TEX2: variants seen among roughly 807,000 people sequenced by gnomAD.
TEX2 encodes testis expressed 2.
Under a neutral mutation model 106.9 loss-of-function variants are expected in TEX2, and 53 were observed. The ratio of observed to expected loss-of-function variants is 0.50; its 90% CI spans 0.40 to 0.62. The LOEUF (loss-of-function observed/expected upper bound fraction) is 0.62, where lower values mean the gene tolerates loss of function less well. Among genes scored for constraint, TEX2 ranks in the 20% least tolerant of loss-of-function variants. The probability of loss-of-function intolerance (pLI) is 0.00; values close to 1 mark genes in which losing one functional copy is unlikely to be tolerated. For missense variants in TEX2, 1,207 were observed against 1,379.0 expected, an observed-to-expected ratio of 0.88 and a Z score of 1.98; for synonymous variants, 523 against 534.8, an observed-to-expected ratio of 0.98 and a Z score of 0.30.
At chr17:64,197,793 GTC>G (rs1460330465) in intron 2 of TEX2, among the ~76,000 whole-genome samples, 1 of 152,022 alleles carries the variant, frequency 6.6e-6, no homozygotes, top group Non-Finnish European at 1.5e-5. Context: ...TGAACTCTTG[GTC>G]TCAAGCAGTT....
chr17:64,168,866 A>G (rs1354071171), intron 7 of TEX2, among the ~76,000 whole-genome samples: 2 of 146,540 alleles, frequency 1.4e-5, no homozygotes, highest in African/African-American at 5.0e-5. Context: ...TGGAGTGAAG[A>G]TGCTAGCTAG....
chr17:64,161,170 T>A (rs919912196), intron 7 of TEX2, among the ~76,000 whole-genome samples: 1 of 152,070 alleles, frequency 6.6e-6, no homozygotes, highest in Admixed American at 6.5e-5. Flanking sequence ...ATTCACAGGA[T>A]CCTGGGGAAT....
rs2032439235 is a variant in TEX2, at chr17:64,195,475, A to AG, written c.1645-381dup. Among the ~76,000 whole-genome samples, 3 of 152,148 alleles carry AG rather than the reference A, an allele frequency of 2.0e-5. No individual in the cohort carries two copies. On this transcript the variant is annotated intron_variant, in intron 2 of 11. Coordinates refer to ENST00000584379, the MANE Select transcript of TEX2 (RefSeq NM_001288732.2). The surrounding 1 kb of genome is among the most constrained non-coding windows in gnomAD (Gnocchi z 4.1). ...CCCACCCAGTCTGGCCTTCTTAATT[A>AG]GCTAAACACATGCTCTTCCCAGCCC...
chr17:64,237,304 T>A (rs1555635247), intron 1 of TEX2, among the ~76,000 whole-genome samples: 1 of 151,778 alleles, frequency 6.6e-6, no homozygotes, highest in Admixed American at 6.6e-5. Flanking sequence ...ACACACAGTA[T>A]GAGACAGGAG....
chr17:64,257,936 G>T (rs1427533196), intron 1 of TEX2, among the ~76,000 whole-genome samples: 2 of 150,780 alleles, frequency 1.3e-5, no homozygotes, highest in African/African-American at 2.4e-5. Flanking sequence ...TTTTGAGATG[G>T]AGTCTCGCTC....
At position 64,213,167 on chromosome 17, in the gene TEX2, ACTC is replaced by A. The variant is rs1555631903; in HGVS notation, c.1048_1050del (p.Glu350del). 5.6e-6 allele frequency: 9 copies of A among 1,613,410 alleles called. No homozygotes were observed. In the South Asian group the frequency reaches 6.6e-5, roughly 12 times the overall value. Reference sequence around the variant, plus strand: ...CCGTAGCCATCCCCCTCAGAATCACACTCCTCCTCCTTGATGCTGTAGTTGTTA... The same window carrying A: ...CCGTAGCCATCCCCCTCAGAATCACACTCCTCCTTGATGCTGTAGTTGTTA... On this transcript the variant is annotated inframe_deletion, in exon 2 of 12. Coordinates refer to ENST00000584379, the MANE Select transcript of TEX2 (RefSeq NM_001288732.2). This position sits in a 1 kb window ranked among gnomAD's most constrained non-coding sequence, Gnocchi z 4.4.
chr17:64,219,762 G>C (rs1310205821), intron 1 of TEX2, among the ~76,000 whole-genome samples: 1 of 152,164 alleles, frequency 6.6e-6, no homozygotes, highest in African/African-American at 2.4e-5. Flanking sequence ...ATTGACTTAA[G>C]TCACTAAAGA....
chr17:64,187,343 C>T (rs553052373), intron 5 of TEX2, among the ~76,000 whole-genome samples: 8 of 152,250 alleles, frequency 5.3e-5, no homozygotes, highest in African/African-American at 1.9e-4. Context: ...TCTGCAACAA[C>T]CCCTAGTGAT....
chr17:64,181,182 A>G (rs1168898026), intron 5 of TEX2, among the ~76,000 whole-genome samples: 1 of 152,202 alleles, frequency 6.6e-6, no homozygotes, highest in Non-Finnish European at 1.5e-5. Context: ...CAGAACTTTT[A>G]AAAAGCAAAA....
At chr17:64,236,959 A>C (rs2033783393) in intron 1 of TEX2, among the ~76,000 whole-genome samples, 1 of 152,182 alleles carries the variant, frequency 6.6e-6, no homozygotes, top group African/African-American at 2.4e-5. Flanking sequence ...CCTGTCTTAT[A>C]ATTTGCAAAG....
At chr17:64,169,552 C>G (rs530953764) in intron 7 of TEX2, among the ~76,000 whole-genome samples, 5 of 152,256 alleles carry the variant, frequency 3.3e-5, no homozygotes, top group African/African-American at 1.2e-4. Flanking sequence ...CAAATACTAC[C>G]CTGGTCTTTC....
chr17:64,250,095 G>A lies in TEX2; in HGVS notation c.-26+13073C>T, dbSNP rs886201277. On this transcript the variant is annotated intron_variant, in intron 1 of 11. Coordinates refer to ENST00000584379, the MANE Select transcript of TEX2 (RefSeq NM_001288732.2). ...GGCTCAATTCCTGAGGGCAGCTCCTGCCAGGCTTCCTACAGCAGTTTCTGC... is the reference window on the plus strand; with the variant it reads ...GGCTCAATTCCTGAGGGCAGCTCCTACCAGGCTTCCTACAGCAGTTTCTGC... Among the ~76,000 whole-genome samples, 6 of 152,278 alleles carry A rather than the reference G, an allele frequency of 3.9e-5. No homozygotes were observed. In the South Asian group the frequency reaches 6.2e-4, roughly 16 times the overall value.
intron 1 of TEX2, among the ~76,000 whole-genome samples, chr17:64,225,997 C>T (rs7406718): frequency 0.54 from 82,672 of 152,018 alleles, 24,220 homozygotes; most frequent in East Asian, 0.83. Flanking sequence ...GGATTACAGG[C>T]GGAAGCCACC....
At chr17:64,191,412 G>T (rs2032291641) in intron 4 of TEX2, among the ~76,000 whole-genome samples, 1 of 152,130 alleles carries the variant, frequency 6.6e-6, no homozygotes, top group African/African-American at 2.4e-5. Flanking sequence ...ACCCCCGTGG[G>T]TTACCTGATT....
chr17:64,172,309 C>T (rs949514539), intron 6 of TEX2, among the ~76,000 whole-genome samples: 13 of 148,588 alleles, frequency 8.7e-5, no homozygotes, highest in African/African-American at 2.7e-4. Context: ...GCCAAGATCG[C>T]ACCACTGCAC....
rs151110120 is a variant in TEX2, at chr17:64,202,565, G to A, written c.1645-7470C>T. On this transcript the variant is annotated intron_variant, in intron 2 of 11. Coordinates refer to ENST00000584379, the MANE Select transcript of TEX2 (RefSeq NM_001288732.2). ...AAATTTCCAGATTTCAGCAATTGTC[G>A]AATCTTGAGAGAAGCAGCAACTCCA... 9.2e-5 allele frequency among the ~76,000 whole-genome samples: 14 copies of A among 152,236 alleles called. No homozygotes were observed. The East Asian group carries it at 1.9e-3, about 21-fold the overall frequency.
chr17:64,222,312 A>G (rs1415120349), intron 1 of TEX2, among the ~76,000 whole-genome samples: 1 of 152,014 alleles, frequency 6.6e-6, no homozygotes, highest in Admixed American at 6.6e-5. Flanking sequence ...CCAGGTCAAG[A>G]GATTGAGACC....
chr17:64,250,687 A>AT (rs1423699443), intron 1 of TEX2, among the ~76,000 whole-genome samples: 21 of 151,710 alleles, frequency 1.4e-4, no homozygotes, highest in Admixed American at 1.2e-3. Flanking sequence ...TCACTTTTTT[A>AT]TTTTTTTTAT....
At chr17:64,251,215 T>C (rs944427520) in intron 1 of TEX2, among the ~76,000 whole-genome samples, 12 of 152,188 alleles carry the variant, frequency 7.9e-5, no homozygotes, top group Admixed American at 5.2e-4. Flanking sequence ...AGCTTACAGA[T>C]ACCAGAGCCC....
Sources: gnomAD v4.1 joint callset for allele counts (sites outside exome capture counted in the v4.1 genomes callset) on GRCh38, gnomAD v4.1.1 for gene constraint, Gnocchi (gnomAD v3.1) non-coding constraint, MANE v1.5 for transcripts, NCBI Gene and HGNC (gene_info 2026-07-23, HGNC 2026-07-21) for gene names.